CAB39L: variants seen among roughly 807,000 people sequenced by gnomAD.
CAB39L encodes the protein calcium binding protein 39 like, also known as calcium-binding protein 39-like.
In CAB39L, 23 loss-of-function variants were observed where a neutral mutation model predicts 39.1. That is an observed-to-expected ratio of 0.59 (90% CI 0.42 to 0.83). The LOEUF is 0.83. Among genes scored for constraint, CAB39L ranks in the 40% least tolerant of loss-of-function variants. The pLI is 0.00. For missense variants in CAB39L, 366 were observed against 391.9 expected (o/e 0.93, Z 0.56); for synonymous variants, 126 against 137.2 (o/e 0.92, Z 0.57).
At chr13:49,369,878 G>A (rs1955870321) in intron 5 of CAB39L, among the ~76,000 whole-genome samples, 1 of 150,330 alleles carries the variant, frequency 6.7e-6, no homozygotes, top group Admixed American at 6.7e-5. Flanking sequence ...GAGCCACCGT[G>A]CCCAGCCGGC....
chr13:49,422,042 A>G (rs965722458), intron 3 of CAB39L, among the ~76,000 whole-genome samples: 1 of 152,108 alleles, frequency 6.6e-6, no homozygotes, highest in Non-Finnish European at 1.5e-5. Context: ...ACCAATAAAG[A>G]TCTCAAACTG....
chr13:49,393,969 T>C (rs1037788687), intron 3 of CAB39L, among the ~76,000 whole-genome samples: 4 of 151,968 alleles, frequency 2.6e-5, no homozygotes, highest in Non-Finnish European at 5.9e-5. Flanking sequence ...TAGATGTTAA[T>C]ATAAGTGACT....
chr13:49,345,095 G>A (rs752208739), intron 7 of CAB39L, among the ~76,000 whole-genome samples: 20 of 152,030 alleles, frequency 1.3e-4, no homozygotes, highest in Non-Finnish European at 2.9e-5. Flanking sequence ...CCTTTTATAT[G>A]CTTAGAGGCT....
chr13:49,381,396 G>A (rs11618854), intron 4 of CAB39L, among the ~76,000 whole-genome samples: 1 of 151,908 alleles, frequency 6.6e-6, no homozygotes, highest in Admixed American at 6.6e-5. Flanking sequence ...AATAATAAAG[G>A]AAACATCTTT....
At chr13:49,401,568 T>TC (rs1956772014) in intron 3 of CAB39L, 1 of 152,172 alleles carries the variant, frequency 6.6e-6, no homozygotes, top group Non-Finnish European at 1.5e-5. Context: ...AGCTCCCTTT[T>TC]ACTTCCTCCC....
chr13:49,391,811 G>A lies in CAB39L; in HGVS notation c.-31-8870C>T, dbSNP rs1158825653. Among the ~76,000 whole-genome samples, 4 of 151,906 alleles carry A rather than the reference G, an allele frequency of 2.6e-5. No homozygotes were observed. In the East Asian group the frequency reaches 7.7e-4, roughly 29 times the overall value. On this transcript the variant is annotated intron_variant, in intron 3 of 10. Coordinates refer to ENST00000409308, the MANE Select transcript of CAB39L (RefSeq NM_001079670.3). ...AATCAGCAAAAATCAGGAATGAAAAGGAAAGTATAAACAAATAGTAAACAG... is the reference window on the plus strand; with the variant it reads ...AATCAGCAAAAATCAGGAATGAAAAAGAAAGTATAAACAAATAGTAAACAG...
intron 3 of CAB39L, among the ~76,000 whole-genome samples, chr13:49,419,798 C>T (rs76912397): frequency 0.037 from 5,580 of 152,152 alleles, 320 homozygotes; most frequent in African/African-American, 0.13. Context: ...CTCCCCACCC[C>T]GCCAAATCTG....
intron 5 of CAB39L, among the ~76,000 whole-genome samples, chr13:49,375,343 T>C (rs971972418): frequency 6.6e-6 from 1 of 152,196 alleles, no homozygotes; most frequent in Non-Finnish European, 1.5e-5. Context: ...TTTTTCACTA[T>C]GCCACAGCTT....
At chr13:49,388,031 G>T (rs1015038428) in intron 3 of CAB39L, among the ~76,000 whole-genome samples, 1 of 152,190 alleles carries the variant, frequency 6.6e-6, no homozygotes, top group African/African-American at 2.4e-5. Context: ...ACGATGTAGT[G>T]AGAGACACAG....
intron 3 of CAB39L, among the ~76,000 whole-genome samples, chr13:49,391,045 C>T (rs1956478507): frequency 6.6e-6 from 1 of 152,112 alleles, no homozygotes; most frequent in South Asian, 2.1e-4. Flanking sequence ...TGCAAAAAGG[C>T]CTATTCCAAG....
chr13:49,376,652 A>T lies in CAB39L; in HGVS notation c.276+315T>A, dbSNP rs549597711. Reference sequence around the variant, plus strand: ...ATAATACAGTATTAAACACAAAGGTAGTTTTAAGAATTCAACGAGTTGAAT... The same window carrying T: ...ATAATACAGTATTAAACACAAAGGTTGTTTTAAGAATTCAACGAGTTGAAT... On this transcript the variant is annotated intron_variant, in intron 5 of 10. Coordinates refer to ENST00000409308, the MANE Select transcript of CAB39L (RefSeq NM_001079670.3). Among the ~76,000 whole-genome samples the T allele has an allele frequency of 5.3e-5, 8 of 152,360 alleles. No individual in the cohort carries two copies. In the South Asian group the frequency reaches 1.5e-3, roughly 28 times the overall value.
At chr13:49,442,787 CAAAAAAAAAAAAAAAAA>C (rs71078844) in intron 1 of CAB39L, among the ~76,000 whole-genome samples, 6 of 103,690 alleles carry the variant, frequency 5.8e-5, no homozygotes, top group African/African-American at 1.5e-4. Context: ...GACTCCATCT[CAAAAAAAAAAAAAAAAA>C]AAAAAAAAAA....
At chr13:49,341,445 G>A (rs1003760694) in intron 8 of CAB39L, among the ~76,000 whole-genome samples, 21 of 151,980 alleles carry the variant, frequency 1.4e-4, no homozygotes, top group African/African-American at 5.1e-4. Flanking sequence ...TAGAGACAAG[G>A]TTTCACCATT....
chr13:49,417,354 TCTGC>T (rs1957102032), intron 3 of CAB39L, among the ~76,000 whole-genome samples: 3 of 152,184 alleles, frequency 2.0e-5, no homozygotes, highest in Admixed American at 2.0e-4. Context: ...CTACTTGCAG[TCTGC>T]CTATTTTAAA....
At chr13:49,397,609 C>T (rs1018535558) in intron 3 of CAB39L, among the ~76,000 whole-genome samples, 1 of 151,786 alleles carries the variant, frequency 6.6e-6, no homozygotes, top group Non-Finnish European at 1.5e-5. Context: ...TATTGTAGTT[C>T]CAGAAAAAAA....
At position 49,442,787 on chromosome 13, in the gene CAB39L, CAAAAAAAAAAAAAA is replaced by C. The variant is rs71078844; in HGVS notation, c.-246+1185_-246+1198del. Among the ~76,000 whole-genome samples the C allele has an allele frequency of 1.9e-5, 2 of 103,690 alleles. 1 individual carries two copies. Among genetic ancestry groups the C allele is most frequent in the Non-Finnish European group, 3.6e-5 (2 of 56,150 alleles). The allele number at this position is 103,690 out of a possible 152,430, so 68.0% of individuals were successfully genotyped here. A position where few individuals can be genotyped will look rare whatever the true frequency, so the allele number is the denominator to read the frequency against. On this transcript the variant is annotated intron_variant, in intron 1 of 10. Coordinates refer to ENST00000409308, the MANE Select transcript of CAB39L (RefSeq NM_001079670.3). ...GCATAGGCGACAAGAGACTCCATCT[CAAAAAAAAAAAAAA>C]AAAAAAAAAAAAAAAAAACATCAAT...
intron 3 of CAB39L, among the ~76,000 whole-genome samples, chr13:49,397,386 G>A (rs1956664939): frequency 6.6e-6 from 1 of 152,084 alleles, no homozygotes; most frequent in South Asian, 2.1e-4. Flanking sequence ...AAAGTTGTGA[G>A]GAGCTTTTTA....
At chr13:49,406,169 C>CTTTTTTTTTTTTTTTTTTTTTTTT (rs1215587782) in intron 3 of CAB39L, among the ~76,000 whole-genome samples, 1 of 134,438 alleles carries the variant, frequency 7.4e-6, no homozygotes, top group African/African-American at 2.7e-5. Flanking sequence ...TTGGAATGCT[C>CTTTTTTTTTTTTTTTTTTTTTTTT]TTTTTTTTTT....
At chr13:49,415,347 T>A (rs1207102255) in intron 3 of CAB39L, among the ~76,000 whole-genome samples, 2 of 151,016 alleles carry the variant, frequency 1.3e-5, no homozygotes, top group Non-Finnish European at 3.0e-5. Context: ...AAACCCCTTC[T>A]CTACTAAAAA....
Sources: gnomAD v4.1 joint callset for allele counts (sites outside exome capture counted in the v4.1 genomes callset) on GRCh38, gnomAD v4.1.1 for gene constraint, MANE v1.5 for transcripts, NCBI Gene and HGNC (gene_info 2026-07-23, HGNC 2026-07-21) for gene names.